Variants in PEX1 observed in about 807,000 individuals in gnomAD.
The protein encoded by PEX1 is peroxisomal ATPase PEX1.
A neutral mutation model predicts 152.5 loss-of-function variants in PEX1; 97 were observed. That is an observed-to-expected ratio of 0.64 (90% CI 0.54 to 0.75). The LOEUF (loss-of-function observed/expected upper bound fraction) is 0.75. Ranked by LOEUF, PEX1 falls within the 30% of genes least tolerant of loss-of-function variation. PEX1 has a pLI of 0.00. For synonymous variants in PEX1, 485 were observed against 531.6 expected, an observed-to-expected ratio of 0.91 and a Z score of 1.21; for missense variants, 1,357 against 1,516.3, an observed-to-expected ratio of 0.89 and a Z score of 1.74.
Position 92,501,530 on chromosome 7 carries a change from C to G in PEX1, c.2560G>C (p.Asp854His). Residue 854 changes from aspartate to histidine, a missense_variant, in exon 15 of 24, where the codon GAT becomes CAT. Transcript: ENST00000248633. Reference protein sequence around the residue: ...GLHEVRQILMDTIQLPAKYPE... With the variant: ...GLHEVRQILMHTIQLPAKYPE... ...ACCTTGGCAGGTAACTGGATAGTAT[C>G]CATGAGTATCTGCCTAACTTCATGT... The G allele has an allele frequency of 6.2e-7, 1 of 1,613,574 alleles. No homozygotes were observed. Among genetic ancestry groups the G allele is most frequent in the East Asian group, 2.2e-5 (1 of 44,870 alleles).
At chr7:92,493,242 T>A in intron 19 of PEX1, 113 bp from the exon 20 acceptor site, 1 of 625,864 alleles carries the variant, frequency 1.6e-6, no homozygotes, top group Non-Finnish European at 2.7e-6. Flanking sequence ...TAAAAAGCTT[T>A]ATAAGTAAGT....
chr7:92,509,214 CATT>C (rs1792337945), intron 9 of PEX1, 112 bp downstream of exon 9: 1 of 717,996 alleles, frequency 1.4e-6, no homozygotes, highest in Non-Finnish European at 2.5e-6. Context: ...TCTACTGATG[CATT>C]ATTAAGATCA....
At position 92,489,796 on chromosome 7, in the gene PEX1, C is replaced by T; in HGVS notation, c.3554G>A (p.Cys1185Tyr). The T allele has an allele frequency of 6.2e-7, 1 of 1,614,030 alleles. No individual in the cohort carries two copies. The highest frequency in any genetic ancestry group is 8.5e-7 in the Non-Finnish European group (1 of 1,179,968). The change falls in exon 22 of 24, where the codon TGC (cysteine) becomes TAC (tyrosine). Residue 1185 changes from cysteine to tyrosine, a missense_variant. Transcript: ENST00000248633. ...TCTTTGTTCTTGTGTAAGTTCTTGG[C>T]AACCCTCTTGTGAAGCTGTCCTTAA... ...PVLRTASQEGCQELTQEQRDQ... is the reference protein window; with the variant it reads ...PVLRTASQEGYQELTQEQRDQ...
chr7:92,506,160 T>A, intron 11 of PEX1, 88 bp downstream of exon 11: 1 of 783,554 alleles, frequency 1.3e-6, no homozygotes, highest in Non-Finnish European at 2.3e-6. Flanking sequence ...AGATGATATG[T>A]GTATTTATTA....
chr7:92,511,472 A>C, intron 7 of PEX1, 108 bp downstream of exon 7: 1 of 867,364 alleles, frequency 1.2e-6, no homozygotes, highest in Non-Finnish European at 1.8e-6. Flanking sequence ...TATCATAATT[A>C]TATTTCACTA....
intron 12 of PEX1, among the ~76,000 whole-genome samples, chr7:92,504,181 G>A (rs1428322064): frequency 6.6e-6 from 1 of 151,934 alleles, no homozygotes; most frequent in Admixed American, 6.6e-5. Flanking sequence ...ACTACTCTGT[G>A]TATACTTCTC....
chr7:92,506,109 AAAT>A, intron 11 of PEX1, 136 bp downstream of exon 11: 3 of 581,678 alleles, frequency 5.2e-6, no homozygotes, highest in Non-Finnish European at 6.1e-6. Context: ...AAAGCCAAAG[AAAT>A]TTTAATGACT....
chr7:92,517,186 C>G (rs940349571), intron 5 of PEX1, 90 bp downstream of exon 5: 13 of 1,063,376 alleles, frequency 1.2e-5, no homozygotes, highest in Non-Finnish European at 1.7e-5. Flanking sequence ...AATTGATTTT[C>G]AATTTATATA....
rs745667444 is a variant in PEX1, at chr7:92,494,501, A to T, written c.2912T>A (p.Val971Glu). The part of the protein sequence containing the change: ...VNQLLTQLDG[V>E]EGLQGVYVLA... Reference sequence around the variant, plus strand: ...ATAATTATTACCCTGTAAGCCTTCTACTCCATCCAACTGAGTCAGCAACTG... The same window carrying T: ...ATAATTATTACCCTGTAAGCCTTCTTCTCCATCCAACTGAGTCAGCAACTG... Residue 971 changes from valine (V) to glutamate (E), a missense_variant, in exon 18 of 24, where the codon GTA becomes GAA. Coordinates refer to ENST00000248633, the MANE Select transcript of PEX1 (RefSeq NM_000466.3). 1.9e-6 allele frequency: 3 copies of T among 1,613,666 alleles called. No individual in the cohort carries two copies. Among genetic ancestry groups the T allele is most frequent in the Non-Finnish European group, 2.5e-6 (3 of 1,179,672 alleles).
chr7:92,496,897 A>AATT, intron 16 of PEX1, 120 bp from the exon 17 acceptor site: 2 of 714,604 alleles, frequency 2.8e-6, no homozygotes, highest in South Asian at 3.2e-5. Context: ...TGTCTTTTAT[A>AATT]CATTTTTAAA....
At chr7:92,520,707 T>C (rs1326937314) in intron 2 of PEX1, among the ~76,000 whole-genome samples, 1 of 152,188 alleles carries the variant, frequency 6.6e-6, no homozygotes, top group East Asian at 1.9e-4. Flanking sequence ...GATAGTGTCT[T>C]ACTGGCAGGG....
intron 16 of PEX1, among the ~76,000 whole-genome samples, chr7:92,497,310 G>GT (rs1791700641): frequency 6.6e-6 from 1 of 152,154 alleles, no homozygotes; most frequent in African/African-American, 2.4e-5. Context: ...AGTGAATGGT[G>GT]TAAGAAGGGA....
chr7:92,490,443 T>G (rs1473797905), intron 21 of PEX1, among the ~76,000 whole-genome samples: 1 of 152,060 alleles, frequency 6.6e-6, no homozygotes, highest in Non-Finnish European at 1.5e-5. Context: ...GAGACCAGCC[T>G]GGGCAATATG....
At position 92,491,422 on chromosome 7, in the gene PEX1, T is replaced by C. The variant is rs932499644; in HGVS notation, c.3288A>G (p.Ser1096=). 1.2e-6 allele frequency: 2 copies of C among 1,613,712 alleles called. No individual in the cohort carries two copies. The highest frequency in any genetic ancestry group is 2.7e-5 in the African/African-American group (2 of 74,924). Residue 1096 remains serine (S), a synonymous_variant, in exon 21 of 24, where the codon TCA becomes TCG. Transcript: ENST00000248633. ...FLNHSSGSDD[S]AGDGECGLDQ... ...CTAAGCCACATTCTCCATCTCCAGC[T>C]GAATCGTCAGAGCCACTGCTATGGT...
intron 13 of PEX1, 21 bp downstream of exon 13, chr7:92,503,020 T>A (rs1250876953): frequency 1.3e-6 from 2 of 1,598,930 alleles, no homozygotes; most frequent in African/African-American, 1.3e-5. Context: ...AATTCAATAA[T>A]CCTTACAAGT....
intron 17 of PEX1, 126 bp from the exon 18 acceptor site, chr7:92,494,755 T>C: frequency 1.9e-6 from 1 of 513,280 alleles, no homozygotes; most frequent in South Asian, 4.7e-5. Context: ...TTTTAATTTT[T>C]ACAACAAACC....
rs1791869018 is a variant in PEX1 at position 92,500,365 on chromosome 7, A to G, written c.2584-527T>C. Among the ~76,000 whole-genome samples the G allele has an allele frequency of 3.9e-5, 6 of 152,322 alleles. No homozygotes were observed. The South Asian group carries it at 1.2e-3, about 32-fold the overall frequency. ...CAAACATGAGGCTACTGTCTGCAATATCCTGGTCTCCTTTATTAGGTATGC... is the reference window on the plus strand; with the variant it reads ...CAAACATGAGGCTACTGTCTGCAATGTCCTGGTCTCCTTTATTAGGTATGC... On this transcript the variant is annotated intron_variant, in intron 15 of 23. Transcript: ENST00000248633.
chr7:92,518,373 C>T lies in PEX1; in HGVS notation c.358-118G>A, dbSNP rs547139909. On this transcript the variant is annotated intron_variant, in intron 3 of 23. Transcript: ENST00000248633. ...AATTTTAATGTGCATATTTAATATA[C>T]ACGACATGGTGTTATGAGCTACATA... 9.8e-4 allele frequency: 693 copies of T among 706,560 alleles called. 2 individuals are homozygous for T. Among genetic ancestry groups the T allele is most frequent in the Middle Eastern group, 2.3e-3 (6 of 2,632 alleles). 43.8% of individuals were successfully genotyped at this position (706,560 alleles called of 1,614,324 possible). A position where few individuals can be genotyped will look rare whatever the true frequency, so the allele number is the denominator to read the frequency against.
At chr7:92,495,923 T>A (rs1691910677) in intron 17 of PEX1, among the ~76,000 whole-genome samples, 2 of 152,142 alleles carry the variant, frequency 1.3e-5, no homozygotes, top group Non-Finnish European at 2.9e-5. Flanking sequence ...TTTAACACTA[T>A]AAATTTTCCT....
Sources: gnomAD v4.1 joint callset for allele counts (sites outside exome capture counted in the v4.1 genomes callset) on GRCh38, gnomAD v4.1.1 for gene constraint, MANE v1.5 for transcripts, NCBI Gene and HGNC (gene_info 2026-07-23, HGNC 2026-07-21) for gene names.